CTDSP1: variants seen among roughly 807,000 people sequenced by gnomAD.
CTDSP1 encodes CTD small phosphatase 1.
Under a neutral mutation model 32.5 loss-of-function variants are expected in CTDSP1, and 15 were observed. The observed-to-expected ratio is 0.46, with a 90% confidence interval of 0.31 to 0.71. The LOEUF (loss-of-function observed/expected upper bound fraction) is 0.71, where lower values mean the gene tolerates loss of function less well. Ranked by LOEUF, CTDSP1 falls within the 30% of genes least tolerant of loss-of-function variation. The probability of loss-of-function intolerance (pLI) is 0.05; values close to 1 mark genes in which losing one functional copy is unlikely to be tolerated. For missense variants in CTDSP1, 294 were observed against 351.1 expected, an observed-to-expected ratio of 0.84 and a Z score of 1.30; for synonymous variants, 185 against 145.4, an observed-to-expected ratio of 1.27 and a Z score of -1.96.
At chr2:218,402,039 G>A in intron 2 of CTDSP1, 72 bp from the exon 3 acceptor site, 1 of 1,064,610 alleles carries the variant, frequency 9.4e-7, no homozygotes. Context: ...GACGGCTAGG[G>A]GGAGAAGCCT....
Position 218,404,166 on chromosome 2 carries a change from A to G in CTDSP1, c.658-131A>G, listed in dbSNP as rs145365852. The stretch of plus-strand genomic sequence containing the variant: ...TGTTTTCCTGGGGATTGCTGTCAAA[A>G]AAGTTTGAACACTGTGGGTGAGGGG... On this transcript the variant is annotated intron_variant, in intron 6 of 6. Coordinates refer to ENST00000273062, the MANE Select transcript of CTDSP1 (RefSeq NM_021198.3). The G allele has an allele frequency of 1.3e-5, 14 of 1,116,122 alleles. No homozygotes were observed. In the African/African-American group the frequency reaches 1.7e-4, roughly 14 times the overall value. The allele number at this position is 1,116,122 out of a possible 1,614,324, so 69.1% of individuals were successfully genotyped here. A position where few individuals can be genotyped will look rare whatever the true frequency, so the allele number is the denominator to read the frequency against.
At chr2:218,398,615 C>T (rs968389201), upstream of CTDSP1, 8 of 522,924 alleles carry the variant, frequency 1.5e-5, no homozygotes, top group Admixed American at 1.3e-4. Context: ...CCGGCTCCCC[C>T]TCGGCAGGGC....
upstream of CTDSP1, chr2:218,396,468 G>C (rs1696775530): frequency 6.6e-6 from 1 of 152,418 alleles, no homozygotes. Flanking sequence ...AAGAACCCCC[G>C]ATTTCCTGGG....
chr2:218,402,925 C>G lies in CTDSP1; in HGVS notation c.379-110C>G. The G allele has an allele frequency of 5.1e-6, 4 of 789,220 alleles. No individual in the cohort carries two copies. In the Admixed American group the frequency reaches 8.0e-5, roughly 16 times the overall value. 48.9% of individuals were successfully genotyped at this position (789,220 alleles called of 1,614,324 possible). A position where few individuals can be genotyped will look rare whatever the true frequency, so the allele number is the denominator to read the frequency against. ...AGCTGGCCAAGCGGAGCCTGCGGGC[C>G]CAGTCTCCTTCCTGTGCGCCTCTGC... On this transcript the variant is annotated intron_variant, in intron 4 of 6. Coordinates refer to ENST00000273062, the MANE Select transcript of CTDSP1 (RefSeq NM_021198.3).
intron 6 of CTDSP1, 102 bp downstream of exon 6, chr2:218,403,519 G>A: frequency 1.8e-6 from 2 of 1,100,788 alleles, no homozygotes; most frequent in Non-Finnish European, 2.6e-6. Flanking sequence ...TTGGGGGGTG[G>A]GTGCCCTCCC....
rs762028780 is a variant in CTDSP1, at chr2:218,401,564, G to T, written c.68G>T (p.Gly23Val). The T allele has an allele frequency of 1.9e-6, 3 of 1,613,728 alleles. No individual in the cohort carries two copies. In the African/African-American group the frequency reaches 4.0e-5, roughly 22 times the overall value. The part of the protein sequence containing the change: ...EEARGPLRGK[G>V]DQKSAASQKP... The stretch of plus-strand genomic sequence containing the variant: ...TCCAACTTGTGCCTCCCTACTTCAG[G>T]TGACCAGAAGTCAGCAGCTTCCCAG... The change falls in exon 2 of 7, where the codon GGT becomes GTT. Residue 23 changes from glycine to valine, a missense_variant and splice_region_variant. By Grantham distance (109) the Gly-to-Val change is moderately radical. Around this residue, in one of 2 missense-constraint regions of CTDSP1, gnomAD observed 148 missense variants for 113.3 expected, o/e 1.31. Coordinates refer to ENST00000273062, the MANE Select transcript of CTDSP1 (RefSeq NM_021198.3).
intron 1 of CTDSP1, chr2:218,401,287 G>C: frequency 1.9e-6 from 1 of 522,710 alleles, no homozygotes; most frequent in Non-Finnish European, 3.5e-6. Flanking sequence ...GAGGCAGGGA[G>C]AGAGCACCCC....
At chr2:218,403,510 T>TG in intron 6 of CTDSP1, 93 bp downstream of exon 6, 3 of 1,219,690 alleles carry the variant, frequency 2.5e-6, no homozygotes, top group East Asian at 2.4e-5. Flanking sequence ...GATCCCCAGT[T>TG]GGGGGGTGGG....
At position 218,404,474 on chromosome 2, in the gene CTDSP1, T is replaced by A. The variant is rs753220042; in HGVS notation, c.*49T>A. ...GCCCCTGACCAATGATACCCACACCTCCTCCCAGGAAGACTGCCCAGGCCT... is the reference window on the plus strand; with the variant it reads ...GCCCCTGACCAATGATACCCACACCACCTCCCAGGAAGACTGCCCAGGCCT... On this transcript the variant is annotated 3_prime_UTR_variant, in exon 7 of 7. Transcript: ENST00000273062. The A allele has an allele frequency of 1.4e-5, 22 of 1,604,692 alleles. No homozygotes were observed. The South Asian group carries it at 2.2e-4, about 16-fold the overall frequency.
intron 1 of CTDSP1, chr2:218,400,846 C>G (rs1472221226): frequency 2.2e-6 from 1 of 455,940 alleles, no homozygotes; most frequent in Non-Finnish European, 4.4e-6. Context: ...GTGGGGGGGT[C>G]TGTCTTCTCC....
Position 218,404,387 on chromosome 2 carries a change from G to A in CTDSP1, c.748G>A (p.Val250Met). 1 of 1,614,148 alleles carries A rather than the reference G, an allele frequency of 6.2e-7. No individual in the cohort carries two copies. The highest frequency in any genetic ancestry group is 8.5e-7 in the Non-Finnish European group (1 of 1,180,008). The change falls in exon 7 of 7, where the codon GTG becomes ATG. Residue 250 changes from valine (V) to methionine (M), a missense_variant. Coordinates refer to ENST00000273062, the MANE Select transcript of CTDSP1 (RefSeq NM_021198.3). ...CGAGCAACTCAGCCGTGTGGACGACGTGTACTCAGTGCTCAGGCAGCCACG... is the reference window on the plus strand; with the variant it reads ...CGAGCAACTCAGCCGTGTGGACGACATGTACTCAGTGCTCAGGCAGCCACG... ...FFEQLSRVDD[V>M]YSVLRQPRPG...
chr2:218,400,751 G>A (rs1466780318), intron 1 of CTDSP1: 2 of 455,540 alleles, frequency 4.4e-6, no homozygotes, highest in Admixed American at 2.4e-5. Context: ...CCCGCGGGGA[G>A]AGTCGTGCGC....
chr2:218,398,307 G>T (rs989567892), upstream of CTDSP1: 1 of 1,029,852 alleles, frequency 9.7e-7, no homozygotes, highest in Admixed American at 2.1e-5. Flanking sequence ...CTGTGAAATG[G>T]GTTAAGAAGG....
In CTDSP1 at chr2:218,401,674, G is replaced by A; in HGVS notation, c.178G>A (p.Ala60Thr). 1 of 1,604,440 alleles carries A rather than the reference G, an allele frequency of 6.2e-7. No homozygotes were observed. Among genetic ancestry groups the A allele is most frequent in the Non-Finnish European group, 8.5e-7 (1 of 1,175,306 alleles). ...DGEALPAHSG[A>T]PLLVEENGAI... ...GGAGGCCCTGCCTGCTCACAGCGGG[G>A]CGCCCCTGCTTGTGGAGGAGAATGG... Residue 60 changes from alanine (A) to threonine (T), a missense_variant, in exon 2 of 7, where the codon GCG becomes ACG. By Grantham distance (58) the Ala-to-Thr change is moderately conservative (BLOSUM62 0). Transcript: ENST00000273062.
chr2:218,403,191 TG>T, intron 5 of CTDSP1, 40 bp from the exon 6 acceptor site: 1 of 1,611,648 alleles, frequency 6.2e-7, no homozygotes, highest in Non-Finnish European at 8.5e-7. Context: ...TGCAGCCCAA[TG>T]AACCTGCGGG....
rs189039843 is a variant in CTDSP1 at position 218,404,757 on chromosome 2, G to A, written c.*332G>A. 7 of 243,160 alleles carry A rather than the reference G, an allele frequency of 2.9e-5. No homozygotes were observed. The highest frequency in any genetic ancestry group is 4.8e-5 in the Non-Finnish European group (6 of 125,020). The allele number at this position is 243,160 out of a possible 1,614,324, so 15.1% of individuals were successfully genotyped here. A position where few individuals can be genotyped will look rare whatever the true frequency, so the allele number is the denominator to read the frequency against. On this transcript the variant is annotated 3_prime_UTR_variant, in exon 7 of 7. Transcript: ENST00000273062. ...CAAATTGGGCCCCTTGGCCCCTTCC[G>A]GTTCTGCTTCCTGGGGGCAGGGTTC...
chr2:218,404,162 C>T, intron 6 of CTDSP1, 135 bp from the exon 7 acceptor site: 2 of 1,056,354 alleles, frequency 1.9e-6, no homozygotes, highest in Non-Finnish European at 2.8e-6. Context: ...GGATTGCTGT[C>T]AAAAAAGTTT....
chr2:218,400,648 T>C (rs1697078336), intron 1 of CTDSP1: 1 of 436,948 alleles, frequency 2.3e-6, no homozygotes, highest in African/African-American at 2.0e-5. Flanking sequence ...AACACACAGC[T>C]ACGTTCCCCA....
intron 1 of CTDSP1, chr2:218,401,346 C>T (rs1697126899): frequency 2.7e-5 from 16 of 592,278 alleles, no homozygotes; most frequent in South Asian, 1.4e-4. Context: ...CGCCTTAATA[C>T]CTGCTAGACC....
Sources: gnomAD v4.1 joint callset for allele counts on GRCh38, gnomAD v4.1.1 for gene constraint, gnomAD v4.1.1 regional missense constraint, MANE v1.5 for transcripts, NCBI Gene and HGNC (gene_info 2026-07-23, HGNC 2026-07-21) for gene names.